FOXP1: variants seen among roughly 807,000 people sequenced by gnomAD.
FOXP1 encodes forkhead box P1.
In FOXP1, 15 loss-of-function variants were observed where a neutral mutation model predicts 98.2. The observed-to-expected ratio is 0.15, with a 90% CI of 0.10 to 0.24. The LOEUF (loss-of-function observed/expected upper bound fraction) is 0.24, where lower values mean the gene tolerates loss of function less well. Ranked by LOEUF, FOXP1 falls within the 10% of genes least tolerant of loss-of-function variation. FOXP1 has a pLI of 1.00. For missense variants in FOXP1, 633 were observed against 848.5 expected (o/e 0.75, Z 3.15); for synonymous variants, 371 against 314.5 (o/e 1.18, Z -1.90).
intron 6 of FOXP1, among the ~76,000 whole-genome samples, chr3:71,162,293 G>C (rs750806239): frequency 1.3e-5 from 2 of 152,302 alleles, no homozygotes; most frequent in Non-Finnish European, 1.5e-5. Context: ...GAGATGCTTA[G>C]CTAACTGAAA....
At chr3:71,314,418 C>A (rs1220315276) in intron 4 of FOXP1, among the ~76,000 whole-genome samples, 3 of 151,944 alleles carry the variant, frequency 2.0e-5, no homozygotes, top group African/African-American at 7.3e-5. Context: ...ATCCCAGCTA[C>A]TCGGGAGGCT....
chr3:71,355,617 G>A (rs936861196), intron 4 of FOXP1, among the ~76,000 whole-genome samples: 2 of 152,098 alleles, frequency 1.3e-5, no homozygotes, highest in Non-Finnish European at 2.9e-5. Flanking sequence ...GCAAAAGCTC[G>A]AAGTTTCCAA....
intron 4 of FOXP1, among the ~76,000 whole-genome samples, chr3:71,322,287 A>G (rs150849408): frequency 1.6e-3 from 247 of 152,310 alleles, no homozygotes; most frequent in African/African-American, 5.7e-3. Flanking sequence ...AGTTTAAATA[A>G]ATTAAAACTA....
At chr3:70,987,971 C>G in intron 14 of FOXP1, 23 bp downstream of exon 14, 2 of 1,610,776 alleles carry the variant, frequency 1.2e-6, no homozygotes, top group Non-Finnish European at 1.7e-6. Context: ...GTTTTTTTCC[C>G]CTTGGTGGGG....
chr3:71,143,762 T>C (rs952800247), intron 6 of FOXP1, among the ~76,000 whole-genome samples: 35 of 152,154 alleles, frequency 2.3e-4, no homozygotes, highest in African/African-American at 8.5e-4. Flanking sequence ...AAAGTACATG[T>C]TAAGAGAGTG....
intron 2 of FOXP1, among the ~76,000 whole-genome samples, chr3:71,502,274 C>A (rs543836758): frequency 8.9e-4 from 135 of 152,348 alleles, no homozygotes; most frequent in African/African-American, 3.2e-3. Context: ...GCCCGGTCCC[C>A]AAGGCCCAGG....
chr3:71,331,338 A>G (rs4677604), intron 4 of FOXP1, among the ~76,000 whole-genome samples: 90,538 of 151,282 alleles, frequency 0.6, 28,641 homozygotes, highest in East Asian at 0.9. Context: ...GGCAGGGCTT[A>G]GGACCTGCAG....
At chr3:71,516,332 T>C (rs982871080) in intron 2 of FOXP1, among the ~76,000 whole-genome samples, 2 of 151,930 alleles carry the variant, frequency 1.3e-5, no homozygotes, top group African/African-American at 4.8e-5. Context: ...GAAGGAGGGA[T>C]AGAAAAAGAA....
intron 12 of FOXP1, among the ~76,000 whole-genome samples, chr3:71,002,123 C>G (rs2042196698): frequency 6.6e-6 from 1 of 152,070 alleles, no homozygotes; most frequent in African/African-American, 2.4e-5. Context: ...GGTCTGTAAC[C>G]CTTTGAAACA....
intron 6 of FOXP1, among the ~76,000 whole-genome samples, chr3:71,182,820 C>A (rs1410719794): frequency 6.6e-6 from 1 of 151,982 alleles, no homozygotes; most frequent in East Asian, 1.9e-4. Context: ...GCAGGAATTA[C>A]AGGCATGAGC....
At chr3:71,456,788 C>T (rs2108520011) in intron 3 of FOXP1, among the ~76,000 whole-genome samples, 1 of 147,746 alleles carries the variant, frequency 6.8e-6, no homozygotes, top group East Asian at 1.9e-4. Context: ...CATGGAATAT[C>T]AGAAAGTCAG....
chr3:71,179,157 C>T (rs1439876375), intron 6 of FOXP1, among the ~76,000 whole-genome samples: 3 of 95,742 alleles, frequency 3.1e-5, no homozygotes, highest in Non-Finnish European at 5.9e-5. Flanking sequence ...TTTTTTGAGA[C>T]GGAGTCACTT....
chr3:71,235,373 A>T (rs2066686128), intron 5 of FOXP1, among the ~76,000 whole-genome samples: 1 of 151,988 alleles, frequency 6.6e-6, no homozygotes, highest in Non-Finnish European at 1.5e-5. Flanking sequence ...AAAATTAAAG[A>T]CTCTTTTTAT....
intron 1 of FOXP1, chr3:71,582,003 T>G: frequency 1.0e-6 from 1 of 962,868 alleles, no homozygotes; most frequent in Non-Finnish European, 1.2e-6. Context: ...GGGGATACGA[T>G]CACGGGCGCA....
chr3:71,510,311 A>G (rs1345982162), intron 2 of FOXP1, among the ~76,000 whole-genome samples: 1 of 151,426 alleles, frequency 6.6e-6, no homozygotes, highest in Non-Finnish European at 1.5e-5. Context: ...CCCCGTCTCA[A>G]CTAAAAATAC....
chr3:71,063,623 CTTA>C (rs1254860177), intron 7 of FOXP1, among the ~76,000 whole-genome samples: 1 of 152,174 alleles, frequency 6.6e-6, no homozygotes, highest in Non-Finnish European at 1.5e-5. Flanking sequence ...ATAAATGTAA[CTTA>C]TTTTTTTTCT....
rs2042018973 is a variant in FOXP1, at chr3:71,000,782, C to G, written c.1062+190G>C. 2.8e-5 allele frequency among the ~76,000 whole-genome samples: 3 copies of G among 108,276 alleles called. No homozygotes were observed. The South Asian group carries it at 7.3e-4, about 26-fold the overall frequency. The allele number at this position is 108,276 out of a possible 152,430, so 71.0% of individuals were successfully genotyped here. ...AAAGAGTGAACTGGGGCTGAACCTG[C>G]CCAAAGAGGTAAAAAATAAAATAAA... On this transcript the variant is annotated intron_variant, in intron 13 of 20. Transcript: ENST00000649528.
intron 7 of FOXP1, among the ~76,000 whole-genome samples, chr3:71,054,864 A>C (rs2050404175): frequency 6.6e-6 from 1 of 152,224 alleles, no homozygotes; most frequent in Non-Finnish European, 1.5e-5. Flanking sequence ...ATGTGACAGC[A>C]AGAAGCTAGA....
Position 71,268,561 on chromosome 3 carries a change from C to CAGGCAAT in FOXP1, c.-12+31258_-12+31259insATTGCCT, listed in dbSNP as rs1576675457. Among the ~76,000 whole-genome samples, 7 of 128,164 alleles carry CAGGCAAT rather than the reference C, an allele frequency of 5.5e-5. No homozygotes were observed. The East Asian group carries it at 2.2e-3, about 41-fold the overall frequency. 84.1% of individuals were successfully genotyped at this position (128,164 alleles called of 152,430 possible). A position where few individuals can be genotyped will look rare whatever the true frequency, so the allele number is the denominator to read the frequency against. Reference sequence around the variant, plus strand: ...CTTTTTACCATCACTTTGAGAAAAACAACCAACATGGTTTGCTTGGAGACA... The same window carrying CAGGCAAT: ...CTTTTTACCATCACTTTGAGAAAAACAGGCAATAACCAACATGGTTTGCTTGGAGACA... On this transcript the variant is annotated intron_variant, in intron 5 of 20. Coordinates refer to ENST00000649528, the MANE Select transcript of FOXP1 (RefSeq NM_001349338.3).
Sources: gnomAD v4.1 joint callset for allele counts (sites outside exome capture counted in the v4.1 genomes callset) on GRCh38, gnomAD v4.1.1 for gene constraint, MANE v1.5 for transcripts, NCBI Gene and HGNC (gene_info 2026-07-23, HGNC 2026-07-21) for gene names.